Variants in GRID2 observed in about 807,000 individuals in gnomAD.
The protein encoded by GRID2 is glutamate ionotropic receptor delta type subunit 2, also known as glutamate receptor ionotropic, delta-2.
Under a neutral mutation model 114.8 loss-of-function variants are expected in GRID2, and 33 were observed. That is an observed-to-expected ratio of 0.29 (90% CI 0.22 to 0.38). The LOEUF is 0.38. Ranked by LOEUF, GRID2 falls within the 10% of genes least tolerant of loss-of-function variation. The probability of loss-of-function intolerance (pLI) is 1.00; values close to 1 mark genes in which losing one functional copy is unlikely to be tolerated. For missense variants in GRID2, 1,184 were observed against 1,257.7 expected (o/e 0.94, Z 0.89); for synonymous variants, 505 against 449.9 (o/e 1.12, Z -1.55).
rs182662724 is a variant in GRID2 at position 92,945,615 on chromosome 4, G to A, written c.245-139380G>A. Among the ~76,000 whole-genome samples the A allele has an allele frequency of 2.4e-4, 36 of 152,256 alleles. No homozygotes were observed. The East Asian group carries it at 6.7e-3, about 29-fold the overall frequency. On this transcript the variant is annotated intron_variant, in intron 2 of 15. Coordinates refer to ENST00000282020, the MANE Select transcript of GRID2 (RefSeq NM_001510.4). ...AACGAAGTACCAGTGATGGTCACTG[G>A]GGAGGGAGTTTTAATCAACAGCACT...
chr4:92,536,809 G>A (rs1454053885), intron 1 of GRID2, among the ~76,000 whole-genome samples: 3 of 152,084 alleles, frequency 2.0e-5, no homozygotes, highest in African/African-American at 4.8e-5. Flanking sequence ...ATGACTAAGT[G>A]TAATAAGCAG....
chr4:92,902,393 T>C (rs937239489), intron 2 of GRID2, among the ~76,000 whole-genome samples: 4 of 152,074 alleles, frequency 2.6e-5, no homozygotes, highest in African/African-American at 9.7e-5. Flanking sequence ...TCAAATAATT[T>C]CTTGTGTTGT....
intron 1 of GRID2, among the ~76,000 whole-genome samples, chr4:92,397,878 T>A (rs1730582817): frequency 6.6e-6 from 1 of 152,196 alleles, no homozygotes; most frequent in Non-Finnish European, 1.5e-5. Context: ...TCAGAAAGAA[T>A]GGTATTGATT....
chr4:93,106,275 A>G (rs974248524), intron 3 of GRID2, among the ~76,000 whole-genome samples: 5 of 152,232 alleles, frequency 3.3e-5, no homozygotes, highest in Admixed American at 6.5e-5. Context: ...CAGCATACAG[A>G]TAATGTGGCT....
chr4:93,206,586 C>T (rs1742809160), intron 4 of GRID2, among the ~76,000 whole-genome samples: 3 of 121,806 alleles, frequency 2.5e-5, no homozygotes, highest in Admixed American at 8.9e-5. Flanking sequence ...AGAAACTGCC[C>T]CTACTACACA....
chr4:93,237,485 T>C (rs1746932595), intron 7 of GRID2, among the ~76,000 whole-genome samples: 1 of 151,858 alleles, frequency 6.6e-6, no homozygotes, highest in Admixed American at 6.6e-5. Context: ...TATTTAAATA[T>C]CAACATCTTA....
At chr4:92,947,019 T>C (rs1292940309) in intron 2 of GRID2, among the ~76,000 whole-genome samples, 1 of 152,072 alleles carries the variant, frequency 6.6e-6, no homozygotes, top group Non-Finnish European at 1.5e-5. Flanking sequence ...GTCAATAGTT[T>C]CTGAAAGCAC....
At chr4:93,065,362 C>T (rs889474770) in intron 2 of GRID2, among the ~76,000 whole-genome samples, 1 of 151,876 alleles carries the variant, frequency 6.6e-6, no homozygotes, top group Non-Finnish European at 1.5e-5. Flanking sequence ...ACACAATTTG[C>T]ACAAGTTTAT....
At chr4:93,633,190 T>C (rs1483989525) in intron 14 of GRID2, among the ~76,000 whole-genome samples, 2 of 152,052 alleles carry the variant, frequency 1.3e-5, no homozygotes, top group African/African-American at 2.4e-5. Context: ...ATTAGTTTTA[T>C]ACTCCTTAGT....
chr4:92,956,160 T>C (rs943386133), intron 2 of GRID2, among the ~76,000 whole-genome samples: 1 of 152,204 alleles, frequency 6.6e-6, no homozygotes, highest in Non-Finnish European at 1.5e-5. Flanking sequence ...CATATTAATA[T>C]ACCATCTGTC....
chr4:92,388,990 G>A (rs1449365683), intron 1 of GRID2, among the ~76,000 whole-genome samples: 2 of 151,970 alleles, frequency 1.3e-5, no homozygotes, highest in South Asian at 2.1e-4. Flanking sequence ...ACTTTAAGTA[G>A]CATCACAGTA....
rs141876097 is a variant in GRID2, at chr4:93,585,572, G to C, written c.2194-40697G>C. Among the ~76,000 whole-genome samples the C allele has an allele frequency of 7.2e-3, 1,093 of 152,076 alleles. 8 individuals carry two copies. The highest frequency in any genetic ancestry group is 0.025 in the African/African-American group (1,053 of 41,510). On this transcript the variant is annotated intron_variant, in intron 13 of 15. Coordinates refer to ENST00000282020, the MANE Select transcript of GRID2 (RefSeq NM_001510.4). ...CATTTGTAAACTGCTTTCTTGTGGG[G>C]CATTGTCCTCATAAAATTTGTGCAA...
intron 1 of GRID2, among the ~76,000 whole-genome samples, chr4:92,445,073 A>C (rs1046772316): frequency 2.0e-5 from 3 of 152,108 alleles, no homozygotes; most frequent in Admixed American, 1.3e-4. Flanking sequence ...TCATCTAGTA[A>C]AAATATTTAA....
At chr4:92,759,738 G>A (rs1193779368) in intron 2 of GRID2, among the ~76,000 whole-genome samples, 3 of 151,528 alleles carry the variant, frequency 2.0e-5, no homozygotes, top group East Asian at 2.0e-4. Context: ...CAAGTAGCTC[G>A]GATTACAGAC....
chr4:93,251,297 A>C (rs1006363823), intron 8 of GRID2, among the ~76,000 whole-genome samples: 1 of 152,154 alleles, frequency 6.6e-6, no homozygotes, highest in African/African-American at 2.4e-5. Flanking sequence ...GCTCCTCTCT[A>C]GCACTAGCAC....
intron 2 of GRID2, among the ~76,000 whole-genome samples, chr4:92,678,103 G>T (rs1006453329): frequency 7.4e-5 from 10 of 135,236 alleles, no homozygotes; most frequent in Non-Finnish European, 1.6e-4. Flanking sequence ...TGACTAATTT[G>T]CTTACTTTCT....
chr4:93,612,294 G>T (rs1174337169), intron 13 of GRID2, among the ~76,000 whole-genome samples: 2 of 150,780 alleles, frequency 1.3e-5, no homozygotes, highest in South Asian at 2.1e-4. Context: ...TTTAATTGGA[G>T]AATTTAGTCC....
chr4:93,512,866 ATATTAAAGATCT>A (rs142212774), intron 12 of GRID2, among the ~76,000 whole-genome samples: 87 of 152,312 alleles, frequency 5.7e-4, no homozygotes, highest in African/African-American at 1.9e-3. Flanking sequence ...AAACCTGATC[ATATTAAAGATCT>A]TAACATTTGA....
At chr4:93,746,010 AAGT>A (rs1270968509) in intron 14 of GRID2, among the ~76,000 whole-genome samples, 1 of 152,126 alleles carries the variant, frequency 6.6e-6, no homozygotes, top group Admixed American at 6.6e-5. Flanking sequence ...AGGTAAATAG[AAGT>A]ACTGCAGATA....
Sources: gnomAD v4.1 joint callset for allele counts (sites outside exome capture counted in the v4.1 genomes callset) on GRCh38, gnomAD v4.1.1 for gene constraint, MANE v1.5 for transcripts, NCBI Gene and HGNC (gene_info 2026-07-23, HGNC 2026-07-21) for gene names.